The following NAPA variants were observed in gnomAD, a reference collection of about 807,000 sequenced individuals.
NAPA encodes the protein alpha-soluble NSF attachment protein.
NAPA carries 18 observed loss-of-function variants against 48.0 expected under a neutral mutation model. The ratio of observed to expected loss-of-function variants is 0.38; its 90% confidence interval spans 0.26 to 0.56. NAPA has a LOEUF of 0.56. Among genes scored for constraint, NAPA ranks in the 20% least tolerant of loss-of-function variants. The pLI is 0.77. For missense variants in NAPA, 315 were observed against 385.0 expected (o/e 0.82, Z 1.52); for synonymous variants, 152 against 149.9 (o/e 1.01, Z -0.10).
intron 1 of NAPA, among the ~76,000 whole-genome samples, chr19:47,504,408 A>C (rs1968650516): frequency 6.6e-6 from 1 of 151,548 alleles, no homozygotes; most frequent in Non-Finnish European, 1.5e-5. Context: ...AAAAAAAAAA[A>C]AAAAAAAAAA....
chr19:47,509,281 G>C (rs1968754803), intron 1 of NAPA, among the ~76,000 whole-genome samples: 1 of 144,854 alleles, frequency 6.9e-6, no homozygotes. Context: ...AGAGTTTCTT[G>C]TGGTGGTAAA....
intron 1 of NAPA, among the ~76,000 whole-genome samples, chr19:47,505,180 G>A (rs1383693933): frequency 2.6e-5 from 4 of 152,124 alleles, no homozygotes; most frequent in Admixed American, 2.0e-4. Context: ...ACACACTCTG[G>A]AGTCCCACCA....
At chr19:47,512,664 A>G (rs966434675) in intron 1 of NAPA, 7 of 152,186 alleles carry the variant, frequency 4.6e-5, no homozygotes, top group African/African-American at 1.7e-4. Context: ...AAAGAAACAC[A>G]CACACACCCT....
downstream of NAPA, among the ~76,000 whole-genome samples, chr19:47,487,197 T>G (rs1968097276): frequency 6.6e-6 from 1 of 152,126 alleles, no homozygotes; most frequent in Admixed American, 6.5e-5. Context: ...TCCTCCCCCG[T>G]CCTGTGACAG....
In NAPA at chr19:47,493,054, G is replaced by A. The variant is rs1568464665; in HGVS notation, c.477-9C>T. ...GACACTTGTTGGCTGAGCTGTGTGG[G>A]GAGGAGTAGTGAGGGGAAGTGGTGG... On this transcript the variant is annotated splice_polypyrimidine_tract_variant and intron_variant, in intron 6 of 10. Coordinates refer to ENST00000263354, the MANE Select transcript of NAPA (RefSeq NM_003827.4). The surrounding 1 kb of genome is among the most constrained non-coding windows in gnomAD (Gnocchi z 6.4). 1 of 1,614,142 alleles carries A rather than the reference G, an allele frequency of 6.2e-7. No homozygotes were observed. The highest frequency in any genetic ancestry group is 8.5e-7 in the Non-Finnish European group (1 of 1,179,986).
chr19:47,495,282 C>T, intron 4 of NAPA: 1 of 537,326 alleles, frequency 1.9e-6, no homozygotes, highest in Non-Finnish European at 3.3e-6. Flanking sequence ...GCATGAGCCA[C>T]CCTGCCCAGC....
At chr19:47,489,619 G>T in intron 10 of NAPA, 92 bp downstream of exon 10, 1 of 1,404,336 alleles carries the variant, frequency 7.1e-7, no homozygotes, top group East Asian at 2.4e-5. Context: ...GATGAAATGG[G>T]TGAATGTCAT....
intron 4 of NAPA, among the ~76,000 whole-genome samples, chr19:47,494,082 C>G (rs1037656000): frequency 2.6e-5 from 4 of 152,224 alleles, no homozygotes; most frequent in African/African-American, 7.2e-5. Flanking sequence ...TGCCTAACTG[C>G]TCTGCACCAG....
At chr19:47,491,142 G>A in intron 8 of NAPA, 2 of 374,062 alleles carry the variant, frequency 5.3e-6, no homozygotes, top group South Asian at 2.9e-5. Context: ...CTGGGGCAGG[G>A]GACAAATGAG....
At chr19:47,504,015 T>C (rs928412312) in intron 1 of NAPA, among the ~76,000 whole-genome samples, 1 of 152,092 alleles carries the variant, frequency 6.6e-6, no homozygotes, top group Non-Finnish European at 1.5e-5. Context: ...GGACTGGGCA[T>C]ATATATCACA....
At chr19:47,494,615 G>A (rs1968367164) in intron 4 of NAPA, among the ~76,000 whole-genome samples, 1 of 151,564 alleles carries the variant, frequency 6.6e-6, no homozygotes, top group African/African-American at 2.4e-5. Flanking sequence ...GCACACGCCT[G>A]TAATCCCAGC....
In NAPA at chr19:47,506,337, G is replaced by A. The variant is rs1180893843; in HGVS notation, c.99-2835C>T. ...TAGAACCCATTCCTGGCCTTGGAGA[G>A]GTAAGAAACTTTCAAAACCTTCTGG... On this transcript the variant is annotated intron_variant, in intron 1 of 10. Coordinates refer to ENST00000263354, the MANE Select transcript of NAPA (RefSeq NM_003827.4). This position sits in a 1 kb window ranked among gnomAD's most constrained non-coding sequence, Gnocchi z 4.0. Among the ~76,000 whole-genome samples, 1 of 152,096 alleles carries A rather than the reference G, an allele frequency of 6.6e-6. No individual in the cohort carries two copies.
At chr19:47,492,231 G>C in intron 7 of NAPA, 112 bp from the exon 8 acceptor site, 1 of 938,376 alleles carries the variant, frequency 1.1e-6, no homozygotes, top group Non-Finnish European at 1.6e-6. Context: ...CCCGAGGTGA[G>C]GCCCTGTTAA....
intron 3 of NAPA, chr19:47,497,609 G>A (rs1239389900): frequency 6.6e-6 from 1 of 152,322 alleles, no homozygotes; most frequent in African/African-American, 2.4e-5. Context: ...CACCCACAGA[G>A]GGCTGGAAAG....
chr19:47,510,929 C>T (rs1338254440), intron 1 of NAPA, among the ~76,000 whole-genome samples: 2 of 152,230 alleles, frequency 1.3e-5, no homozygotes, highest in South Asian at 2.1e-4. Context: ...CTGGTGCTGT[C>T]GCCTTCAGTG....
intron 8 of NAPA, chr19:47,491,469 A>G (rs1968265247): frequency 6.5e-6 from 1 of 154,158 alleles, no homozygotes; most frequent in Non-Finnish European, 1.4e-5. Flanking sequence ...AATGGTAAAA[A>G]AACTCCGGCC....
In NAPA at chr19:47,492,124, A is replaced by G. The variant is rs779592540; in HGVS notation, c.562-5T>C. The G allele has an allele frequency of 2.5e-5, 40 of 1,611,968 alleles. No individual in the cohort carries two copies. The highest frequency in any genetic ancestry group is 1.6e-4 in the Middle Eastern group (1 of 6,072). ...GTCCATGGCATTGGTCCCCACCTGT[A>G]GCCATGGAGAAGTGGCACTGGTGAG... On this transcript the variant is annotated splice_region_variant and splice_polypyrimidine_tract_variant and intron_variant, in intron 7 of 10. Transcript: ENST00000263354.
chr19:47,489,415 T>C lies in NAPA; in HGVS notation c.786+296A>G, dbSNP rs151103592. ...CTCACCTGGGGGACTCAAGGAACCC[T>C]GGTCTTCAGAGGCAGACAGATGTGG... On this transcript the variant is annotated intron_variant, in intron 10 of 10. Coordinates refer to ENST00000263354, the MANE Select transcript of NAPA (RefSeq NM_003827.4). 3,798 of 463,846 alleles carry C rather than the reference T, an allele frequency of 8.2e-3. 23 individuals are homozygous for C. Among genetic ancestry groups the C allele is most frequent in the Middle Eastern group, 0.015 (25 of 1,664 alleles). 28.7% of individuals were successfully genotyped at this position (463,846 alleles called of 1,614,324 possible). A position where few individuals can be genotyped will look rare whatever the true frequency, so the allele number is the denominator to read the frequency against.
intron 8 of NAPA, 31 bp downstream of exon 8, chr19:47,491,984 G>A (rs1207224953): frequency 4.4e-6 from 7 of 1,588,896 alleles, no homozygotes; most frequent in Non-Finnish European, 6.0e-6. Flanking sequence ...GTGGCCTGGT[G>A]CGGTGGTCCT....
Sources: allele counts gnomAD v4.1 joint callset (sites outside exome capture counted in the v4.1 genomes callset), GRCh38; gene constraint gnomAD v4.1.1; non-coding constraint Gnocchi (gnomAD v3.1); transcripts MANE v1.5; gene names NCBI Gene and HGNC (gene_info 2026-07-23, HGNC 2026-07-21).